Variants in NRG1 observed in about 807,000 individuals in gnomAD.
The protein encoded by NRG1 is neuregulin 1.
In NRG1, 18 loss-of-function variants were observed where a neutral mutation model predicts 63.8. That is an observed-to-expected ratio of 0.28 (90% CI 0.19 to 0.42). The LOEUF (loss-of-function observed/expected upper bound fraction) is 0.42. Ranked by LOEUF, NRG1 falls within the 10% of genes least tolerant of loss-of-function variation. The probability of loss-of-function intolerance (pLI) is 1.00; values close to 1 mark genes in which losing one functional copy is unlikely to be tolerated. For synonymous variants in NRG1, 302 were observed against 301.3 expected (o/e 1.00, Z -0.02); for missense variants, 762 against 814.7 (o/e 0.94, Z 0.79).
At chr8:32,078,596 G>A (rs183306275) in intron 1 of NRG1, among the ~76,000 whole-genome samples, 6 of 152,284 alleles carry the variant, frequency 3.9e-5, no homozygotes, top group South Asian at 4.1e-4. Flanking sequence ...GACTCTGACC[G>A]TGAGCTCTGC....
At chr8:32,253,676 G>A (rs1257453234) in intron 1 of NRG1, among the ~76,000 whole-genome samples, 1 of 152,128 alleles carries the variant, frequency 6.6e-6, no homozygotes, top group African/African-American at 2.4e-5. Context: ...CCTCTGCCAG[G>A]TTTTGCTATC....
chr8:32,768,293 G>T (rs1182860039), downstream of NRG1, among the ~76,000 whole-genome samples: 1 of 152,214 alleles, frequency 6.6e-6, no homozygotes, highest in East Asian at 1.9e-4. Flanking sequence ...TTTTGTAGTG[G>T]CAGTAAGAAA....
intron 3 of NRG1, among the ~76,000 whole-genome samples, chr8:32,608,755 A>T (rs537452401): frequency 1.8e-4 from 27 of 152,016 alleles, no homozygotes; most frequent in Non-Finnish European, 3.7e-4. Flanking sequence ...TAGTTTTAAC[A>T]AAAGTTACCT....
intron 5 of NRG1, among the ~76,000 whole-genome samples, chr8:32,633,749 C>T (rs899625746): frequency 6.6e-6 from 1 of 152,106 alleles, no homozygotes; most frequent in Non-Finnish European, 1.5e-5. Flanking sequence ...TTCCCCAGTG[C>T]CTTCCTTCCT....
chr8:31,817,598 C>T (rs1823580847), intron 1 of NRG1, among the ~76,000 whole-genome samples: 2 of 152,124 alleles, frequency 1.3e-5, no homozygotes, highest in African/African-American at 4.8e-5. Flanking sequence ...AAAAATCAAT[C>T]TGTGGTATAG....
chr8:31,640,084 C>T lies in NRG1; in HGVS notation c.37+653C>T. Reference sequence around the variant, plus strand: ...CTCGTCGCCGCCGCTGCCGCTGCTGCCACTACTGCTGCTGCTGGGGACCGC... The same window carrying T: ...CTCGTCGCCGCCGCTGCCGCTGCTGTCACTACTGCTGCTGCTGGGGACCGC... On this transcript the variant is annotated intron_variant, in intron 1 of 10. Coordinates refer to the NRG1 transcript ENST00000519301. The surrounding 1 kb of genome is among the most constrained non-coding windows in gnomAD (Gnocchi z 6.3). 2 of 1,138,534 alleles carry T rather than the reference C, an allele frequency of 1.8e-6. No homozygotes were observed. The highest frequency in any genetic ancestry group is 4.2e-5 in the South Asian group (1 of 23,618). The allele number at this position is 1,138,534 out of a possible 1,614,324, so 70.5% of individuals were successfully genotyped here.
chr8:31,966,598 G>T (rs865869193), intron 1 of NRG1, among the ~76,000 whole-genome samples: 5 of 152,148 alleles, frequency 3.3e-5, no homozygotes. Flanking sequence ...ACAATTCACT[G>T]CACAGTGCTT....
intron 1 of NRG1, among the ~76,000 whole-genome samples, chr8:32,292,922 G>C (rs1455918037): frequency 6.6e-6 from 1 of 152,018 alleles, no homozygotes; most frequent in Non-Finnish European, 1.5e-5. Flanking sequence ...TGACCAATAT[G>C]GTGAAACCCC....
chr8:32,721,715 A>G, intron 5 of NRG1: 1 of 608,498 alleles, frequency 1.6e-6, no homozygotes, highest in South Asian at 6.5e-5. Context: ...AAAAATGCCA[A>G]CCCAGAATGA....
chr8:32,547,999 G>T (rs36213229), upstream of NRG1, among the ~76,000 whole-genome samples: 59,527 of 151,946 alleles, frequency 0.39, 12,732 homozygotes, highest in Admixed American at 0.49. Context: ...TCGGGTCTCC[G>T]CCTGGGTTCC....
chr8:32,405,299 C>A (rs1354246944), intron 1 of NRG1, among the ~76,000 whole-genome samples: 1 of 152,206 alleles, frequency 6.6e-6, no homozygotes, highest in Non-Finnish European at 1.5e-5. Flanking sequence ...AAAGGACTTG[C>A]AGATTAGGTT....
chr8:32,302,915 C>T (rs1400432164), intron 1 of NRG1, among the ~76,000 whole-genome samples: 2 of 152,166 alleles, frequency 1.3e-5, no homozygotes, highest in African/African-American at 4.8e-5. Flanking sequence ...AGCACGGGGG[C>T]TCACGCCTGT....
chr8:32,484,055 A>T (rs1825628800), intron 1 of NRG1, among the ~76,000 whole-genome samples: 1 of 151,758 alleles, frequency 6.6e-6, no homozygotes, highest in African/African-American at 2.4e-5. Flanking sequence ...GTGAGCCAAG[A>T]TCGCACCACT....
In NRG1 at chr8:31,853,477, G is replaced by C. The variant is rs1358309953; in HGVS notation, c.37+214046G>C. Among the ~76,000 whole-genome samples, 289 of 149,628 alleles carry C rather than the reference G, an allele frequency of 1.9e-3. 1 individual carries two copies. The highest frequency in any genetic ancestry group is 6.8e-3 in the African/African-American group (276 of 40,502). Reference sequence around the variant, plus strand: ...CATTGATTTTGTATCCTGAGACTTTGCTGAAGTTGCTTATCAGCTTAAGGA... The same window carrying C: ...CATTGATTTTGTATCCTGAGACTTTCCTGAAGTTGCTTATCAGCTTAAGGA... On this transcript the variant is annotated intron_variant, in intron 1 of 10. Coordinates refer to the NRG1 transcript ENST00000519301.
In NRG1 at chr8:32,605,695, C is replaced by CA; in HGVS notation, c.400+12_400+13insA. On this transcript the variant is annotated intron_variant, in intron 3 of 11. Transcript: ENST00000356819. The stretch of plus-strand genomic sequence containing the variant: ...CGTGGAATCAAACGGTAAGAGATAC[C>CA]TACGGTATTCTGTTCCTCAATCTGT... 3 of 1,611,634 alleles carry CA rather than the reference C, an allele frequency of 1.9e-6. No individual in the cohort carries two copies. The highest frequency in any genetic ancestry group is 2.5e-6 in the Non-Finnish European group (3 of 1,178,514).
chr8:31,722,731 A>G (rs1813043312), intron 1 of NRG1, among the ~76,000 whole-genome samples: 1 of 152,144 alleles, frequency 6.6e-6, no homozygotes, highest in African/African-American at 2.4e-5. Flanking sequence ...AAAAGAGTTA[A>G]CCCATAGTCT....
At chr8:31,965,863 A>G (rs921050947) in intron 1 of NRG1, among the ~76,000 whole-genome samples, 1 of 152,220 alleles carries the variant, frequency 6.6e-6, no homozygotes, top group Non-Finnish European at 1.5e-5. Context: ...ATAATTAAGA[A>G]GCAGAAAATC....
chr8:32,540,493 C>T (rs776276681), intron 1 of NRG1, among the ~76,000 whole-genome samples: 3 of 152,248 alleles, frequency 2.0e-5, no homozygotes, highest in Non-Finnish European at 4.4e-5. Flanking sequence ...AGAAAAGACA[C>T]CTTAGTAAAA....
intron 1 of NRG1, among the ~76,000 whole-genome samples, chr8:32,338,074 C>T (rs917450715): frequency 6.6e-6 from 1 of 152,174 alleles, no homozygotes; most frequent in African/African-American, 2.4e-5. Flanking sequence ...GGCATCAAAT[C>T]TGCCACACGA....
Sources: allele counts gnomAD v4.1 joint callset (sites outside exome capture counted in the v4.1 genomes callset), GRCh38; gene constraint gnomAD v4.1.1; non-coding constraint Gnocchi (gnomAD v3.1); transcripts MANE v1.5; gene names NCBI Gene and HGNC (gene_info 2026-07-23, HGNC 2026-07-21).